NICOL1: variants seen among roughly 807,000 people sequenced by gnomAD.
NICOL1 encodes NELL2-interacting cell ontogeny regulator 1.
chr4:2,041,868 G>C, the NICOL1 span: 1 of 1,051,678 alleles, frequency 9.5e-7, no homozygotes, highest in Admixed American at 4.1e-5. Flanking sequence ...GGCAGCCCCC[G>C]GCCAGGGCCA....
the NICOL1 span, chr4:2,041,998 C>T: frequency 2.3e-5 from 34 of 1,468,746 alleles, no homozygotes; most frequent in Admixed American, 5.8e-5. Flanking sequence ...GGAGCGCATG[C>T]GCGTTGCGCG....
At chr4:2,040,631 G>C in the NICOL1 span, among the ~76,000 whole-genome samples, 2 of 152,188 alleles carry the variant, frequency 1.3e-5, no homozygotes, top group African/African-American at 4.8e-5. Context: ...GAAGAGCGCG[G>C]AAGTGCGCAC....
At chr4:2,038,452 T>TA in the NICOL1 span, among the ~76,000 whole-genome samples, 10 of 151,566 alleles carry the variant, frequency 6.6e-5, no homozygotes, top group Admixed American at 6.6e-4. Flanking sequence ...CACATTCAGA[T>TA]ACTTTTTAAA....
At chr4:2,043,815 C>T in the NICOL1 span, 2 of 1,510,612 alleles carry the variant, frequency 1.3e-6, no homozygotes, top group Non-Finnish European at 1.8e-6. Context: ...AGGGGAATGC[C>T]AGTGGGCAGC....
At chr4:2,037,945 C>G in the NICOL1 span, among the ~76,000 whole-genome samples, 1 of 151,372 alleles carries the variant, frequency 6.6e-6, no homozygotes, top group Non-Finnish European at 1.5e-5. Flanking sequence ...TTATATTACA[C>G]TATAAATTTT....
chr4:2,041,519 G>T, the NICOL1 span, among the ~76,000 whole-genome samples: 1 of 152,178 alleles, frequency 6.6e-6, no homozygotes, highest in African/African-American at 2.4e-5. Context: ...CCTGACGCCC[G>T]AGGATCGGGG....
the NICOL1 span, among the ~76,000 whole-genome samples, chr4:2,039,247 C>T: frequency 1.3e-5 from 2 of 151,154 alleles, no homozygotes; most frequent in African/African-American, 4.9e-5. Context: ...CACCCCATGT[C>T]TACTAAAAAT....
At chr4:2,042,676 TG>T in the NICOL1 span, 1 of 1,002,982 alleles carries the variant, frequency 1.0e-6, no homozygotes, top group Non-Finnish European at 1.4e-6. Flanking sequence ...CCAGAGTGCG[TG>T]GGGGCCTTGC....
At chr4:2,041,153 G>A in the NICOL1 span, among the ~76,000 whole-genome samples, 1 of 149,268 alleles carries the variant, frequency 6.7e-6, no homozygotes, top group South Asian at 2.1e-4. Context: ...GGTGGGGTGG[G>A]GGGGGAGCGG....
chr4:2,043,838 T>A, the NICOL1 span: 4 of 1,546,296 alleles, frequency 2.6e-6, no homozygotes, highest in Non-Finnish European at 3.5e-6. Context: ...GGCTGCACCC[T>A]CACCCCTCTT....
the NICOL1 span, among the ~76,000 whole-genome samples, chr4:2,039,369 G>A: frequency 2.0e-5 from 3 of 150,242 alleles, no homozygotes; most frequent in Non-Finnish European, 4.4e-5. Context: ...AGCCAAGATT[G>A]CACCACTGTA....
chr4:2,037,941 T>G, the NICOL1 span, among the ~76,000 whole-genome samples: 3 of 151,588 alleles, frequency 2.0e-5, no homozygotes, highest in Non-Finnish European at 4.4e-5. Flanking sequence ...ATAATTATAT[T>G]ACACTATAAA....
the NICOL1 span, chr4:2,042,655 G>C: frequency 1.3e-6 from 1 of 775,368 alleles, no homozygotes; most frequent in South Asian, 1.9e-5. Flanking sequence ...TTTGGCACTG[G>C]GTGGACGGGC....
chr4:2,043,725 G>A, the NICOL1 span: 1 of 649,996 alleles, frequency 1.5e-6, no homozygotes, highest in Non-Finnish European at 2.7e-6. Context: ...GGCTCTGGGT[G>A]TGGGGGTTAG....
At chr4:2,041,459 C>T in the NICOL1 span, among the ~76,000 whole-genome samples, 1 of 152,130 alleles carries the variant, frequency 6.6e-6, no homozygotes, top group Non-Finnish European at 1.5e-5. Context: ...AGAGGAGGAC[C>T]CTGGGTTGGG....
chr4:2,038,237 G>GTATATATA, the NICOL1 span, among the ~76,000 whole-genome samples: 145 of 91,414 alleles, frequency 1.6e-3, no homozygotes, highest in Non-Finnish European at 2.3e-3. Flanking sequence ...TGATCAGTGT[G>GTATATATA]TATATATATA....
At chr4:2,038,782 T>A in the NICOL1 span, among the ~76,000 whole-genome samples, 1 of 152,252 alleles carries the variant, frequency 6.6e-6, no homozygotes, top group Non-Finnish European at 1.5e-5. Context: ...ATTTCTTCTG[T>A]ACTTCTGTCA....
chr4:2,036,893 G>A, the NICOL1 span, among the ~76,000 whole-genome samples: 8 of 152,002 alleles, frequency 5.3e-5, no homozygotes, highest in Admixed American at 6.6e-5. Context: ...TTCATGCTCC[G>A]GTGTCCTCCA....
At chr4:2,038,286 A>ATATAT in the NICOL1 span, among the ~76,000 whole-genome samples, 3 of 102,454 alleles carry the variant, frequency 2.9e-5, no homozygotes, top group East Asian at 5.0e-4. Flanking sequence ...TATATATATA[A>ATATAT]AATTAAAATT....
Sources: allele counts gnomAD v4.1 joint callset (sites outside exome capture counted in the v4.1 genomes callset), GRCh38; gene constraint gnomAD v4.1.1; transcripts MANE v1.5; gene names NCBI Gene and HGNC (gene_info 2026-07-23, HGNC 2026-07-21).